KCNQ5: variants seen among roughly 807,000 people sequenced by gnomAD.
KCNQ5 encodes the protein potassium voltage-gated channel subfamily KQT member 5.
KCNQ5 carries 30 observed loss-of-function variants against 98.2 expected under a neutral mutation model. That is an observed-to-expected ratio of 0.31 (90% CI 0.23 to 0.41). KCNQ5 has a LOEUF of 0.41. Ranked by LOEUF, KCNQ5 falls within the 10% of genes least tolerant of loss-of-function variation. The probability of loss-of-function intolerance (pLI) is 1.00; values close to 1 mark genes in which losing one functional copy is unlikely to be tolerated. For missense variants in KCNQ5, 835 were observed against 1,182.5 expected, an observed-to-expected ratio of 0.71 and a Z score of 4.31; for synonymous variants, 458 against 449.4, an observed-to-expected ratio of 1.02 and a Z score of -0.24.
chr6:72,840,847 A>T lies in KCNQ5; in HGVS notation c.399-163061A>T, dbSNP rs375632816. Among the ~76,000 whole-genome samples the T allele has an allele frequency of 5.9e-5, 9 of 152,296 alleles. No individual in the cohort carries two copies. The South Asian group carries it at 1.7e-3, about 28-fold the overall frequency. ...GCAGCAGCTCTGATAATGTATGCATATTATGGCACCAGCACACACAGTTAT... is the reference window on the plus strand; with the variant it reads ...GCAGCAGCTCTGATAATGTATGCATTTTATGGCACCAGCACACACAGTTAT... On this transcript the variant is annotated intron_variant, in intron 1 of 13. Transcript: ENST00000370398.
chr6:72,651,748 G>A (rs1765885959), intron 1 of KCNQ5, among the ~76,000 whole-genome samples: 1 of 151,950 alleles, frequency 6.6e-6, no homozygotes, highest in Admixed American at 6.6e-5. Context: ...ACATATCAAA[G>A]AGTACACCTT....
At chr6:72,722,208 C>T (rs186984922) in intron 1 of KCNQ5, among the ~76,000 whole-genome samples, 1 of 152,304 alleles carries the variant, frequency 6.6e-6, no homozygotes, top group East Asian at 1.9e-4. Context: ...TGATTTTGGA[C>T]TTCTGACCTC....
chr6:72,923,774 C>T (rs1444049042), intron 1 of KCNQ5, among the ~76,000 whole-genome samples: 1 of 152,186 alleles, frequency 6.6e-6, no homozygotes, highest in East Asian at 1.9e-4. Flanking sequence ...TTAGCTCCCA[C>T]TTATAAGTGA....
chr6:73,099,320 A>G (rs894694421), intron 5 of KCNQ5, among the ~76,000 whole-genome samples: 1 of 152,174 alleles, frequency 6.6e-6, no homozygotes, highest in African/African-American at 2.4e-5. Flanking sequence ...CCATAATAAC[A>G]CTGAATATAA....
chr6:72,778,311 C>A (rs1295564681), intron 1 of KCNQ5, among the ~76,000 whole-genome samples: 1 of 152,078 alleles, frequency 6.6e-6, no homozygotes, highest in Non-Finnish European at 1.5e-5. Flanking sequence ...TGGAGACAGG[C>A]AGATCACTTG....
intron 1 of KCNQ5, among the ~76,000 whole-genome samples, chr6:72,921,452 A>G (rs1418792177): frequency 6.6e-6 from 1 of 152,190 alleles, no homozygotes; most frequent in Non-Finnish European, 1.5e-5. Context: ...TGGAAAGCCC[A>G]AGGATGTAGT....
At chr6:73,034,620 C>T (rs981312726) in intron 2 of KCNQ5, among the ~76,000 whole-genome samples, 1 of 152,106 alleles carries the variant, frequency 6.6e-6, no homozygotes, top group Admixed American at 6.5e-5. Context: ...CTGCCTAAAA[C>T]AATTTTAAGT....
chr6:73,186,170 T>C (rs183890741), intron 11 of KCNQ5, among the ~76,000 whole-genome samples: 157 of 151,908 alleles, frequency 1.0e-3, no homozygotes, highest in African/African-American at 3.6e-3. Flanking sequence ...AAGGCTGCAA[T>C]GAGCCATGAT....
chr6:72,665,415 T>C (rs1273418994), intron 1 of KCNQ5, among the ~76,000 whole-genome samples: 1 of 152,054 alleles, frequency 6.6e-6, no homozygotes, highest in African/African-American at 2.4e-5. Flanking sequence ...AATATGGCGT[T>C]TTAAAAGTAA....
intron 1 of KCNQ5, among the ~76,000 whole-genome samples, chr6:72,737,806 T>C (rs1770924920): frequency 6.6e-6 from 1 of 152,014 alleles, no homozygotes; most frequent in African/African-American, 2.4e-5. Flanking sequence ...GCAGGGAAGG[T>C]GCAAGGTGGA....
At chr6:72,971,245 A>T (rs1010525327) in intron 1 of KCNQ5, among the ~76,000 whole-genome samples, 13 of 152,388 alleles carry the variant, frequency 8.5e-5, no homozygotes, top group African/African-American at 3.1e-4. Context: ...ACATGAAAAA[A>T]TGCTCATTAT....
intron 1 of KCNQ5, among the ~76,000 whole-genome samples, chr6:72,671,116 C>T (rs1767079913): frequency 6.6e-6 from 1 of 152,138 alleles, no homozygotes; most frequent in African/African-American, 2.4e-5. Context: ...ATTCAGTTCA[C>T]GATTGTTTAG....
intron 1 of KCNQ5, among the ~76,000 whole-genome samples, chr6:72,953,411 G>C (rs901391826): frequency 1.3e-5 from 2 of 152,328 alleles, no homozygotes; most frequent in African/African-American, 4.8e-5. Flanking sequence ...TGAACCCAGT[G>C]TGTGTTTTAG....
chr6:73,152,103 T>C (rs186399908), intron 10 of KCNQ5, among the ~76,000 whole-genome samples: 1 of 152,290 alleles, frequency 6.6e-6, no homozygotes, highest in African/African-American at 2.4e-5. Flanking sequence ...TTTGATGAAG[T>C]ACATCCTATC....
intron 1 of KCNQ5, among the ~76,000 whole-genome samples, chr6:72,944,538 A>G (rs1001681349): frequency 3.9e-5 from 6 of 152,218 alleles, no homozygotes; most frequent in Non-Finnish European, 7.3e-5. Context: ...TCATTTTGTC[A>G]TTAACTGAAT....
At chr6:73,044,659 C>T (rs957916345) in intron 3 of KCNQ5, among the ~76,000 whole-genome samples, 6 of 152,198 alleles carry the variant, frequency 3.9e-5, no homozygotes, top group Admixed American at 1.3e-4. Flanking sequence ...TTTCTAGGCC[C>T]GTTCAACAGG....
chr6:72,933,247 G>C (rs1039358416), intron 1 of KCNQ5, among the ~76,000 whole-genome samples: 1 of 152,174 alleles, frequency 6.6e-6, no homozygotes. Context: ...TTTACCTTAA[G>C]AGATATTATG....
intron 1 of KCNQ5, among the ~76,000 whole-genome samples, chr6:72,834,615 A>G (rs1461970695): frequency 6.6e-6 from 1 of 152,182 alleles, no homozygotes; most frequent in East Asian, 1.9e-4. Flanking sequence ...GCACAATTAA[A>G]TTCTATCCTT....
chr6:73,194,335 A>G, intron 13 of KCNQ5, 117 bp from the exon 14 acceptor site: 1 of 870,754 alleles, frequency 1.1e-6, no homozygotes, highest in Non-Finnish European at 1.7e-6. Flanking sequence ...CGTACTTTAT[A>G]TTCAATATTT....
Sources: gnomAD v4.1 joint callset for allele counts (sites outside exome capture counted in the v4.1 genomes callset) on GRCh38, gnomAD v4.1.1 for gene constraint, MANE v1.5 for transcripts, NCBI Gene and HGNC (gene_info 2026-07-23, HGNC 2026-07-21) for gene names.